The following GNAL variants were observed in gnomAD, a reference collection of about 807,000 sequenced individuals.
GNAL encodes the protein G protein subunit alpha L.
GNAL carries 18 observed loss-of-function variants against 55.1 expected under a neutral mutation model. The ratio of observed to expected loss-of-function variants is 0.33; its 90% CI spans 0.23 to 0.48. The LOEUF is 0.48. Ranked by LOEUF, GNAL falls within the 20% of genes least tolerant of loss-of-function variation. The pLI, the probability that GNAL is intolerant of heterozygous loss-of-function variation, is 0.99. For missense variants in GNAL, 412 were observed against 614.1 expected, an observed-to-expected ratio of 0.67 and a Z score of 3.48; for synonymous variants, 253 against 237.0, an observed-to-expected ratio of 1.07 and a Z score of -0.62.
At chr18:11,859,340 C>CTACCT (rs2036077904) in intron 5 of GNAL, among the ~76,000 whole-genome samples, 1 of 152,206 alleles carries the variant, frequency 6.6e-6, no homozygotes. Context: ...GAAACTTCTC[C>CTACCT]TACCTTCTCA....
chr18:11,869,169 A>C (rs972724733), intron 9 of GNAL, among the ~76,000 whole-genome samples: 2 of 151,656 alleles, frequency 1.3e-5, no homozygotes, highest in Non-Finnish European at 2.9e-5. Flanking sequence ...TTTGAGATAG[A>C]GTCTCGCTGT....
intron 1 of GNAL, among the ~76,000 whole-genome samples, chr18:11,708,565 G>A (rs1349224413): frequency 6.6e-6 from 1 of 152,200 alleles, no homozygotes; most frequent in African/African-American, 2.4e-5. Context: ...CACAAAGTGA[G>A]CACATGCTGT....
intron 1 of GNAL, among the ~76,000 whole-genome samples, chr18:11,722,793 C>T (rs554714671): frequency 6.6e-6 from 1 of 152,230 alleles, no homozygotes; most frequent in East Asian, 1.9e-4. Flanking sequence ...AGGTGGATCA[C>T]CTGAGGTCAG....
chr18:11,782,628 G>T (rs73946319), intron 4 of GNAL, among the ~76,000 whole-genome samples: 2,343 of 152,168 alleles, frequency 0.015, 58 homozygotes, highest in African/African-American at 0.053. Flanking sequence ...TATTGATCCT[G>T]TCTTATTAAG....
intron 1 of GNAL, among the ~76,000 whole-genome samples, chr18:11,729,285 G>C (rs572808916): frequency 6.6e-6 from 1 of 152,176 alleles, no homozygotes; most frequent in Non-Finnish European, 1.5e-5. Context: ...TGGTCTTAGC[G>C]CTCCTCTTGC....
chr18:11,792,196 C>A (rs907438583), intron 4 of GNAL, among the ~76,000 whole-genome samples: 14 of 151,946 alleles, frequency 9.2e-5, no homozygotes, highest in African/African-American at 3.4e-4. Context: ...TCCTTCCCTC[C>A]CTTCCTTCCT....
At chr18:11,860,564 G>A (rs1473286481) in intron 5 of GNAL, among the ~76,000 whole-genome samples, 1 of 152,124 alleles carries the variant, frequency 6.6e-6, no homozygotes, top group Non-Finnish European at 1.5e-5. Context: ...ATGCACACGG[G>A]AACTTTCATA....
chr18:11,768,549 T>C (rs1246615643), intron 4 of GNAL, among the ~76,000 whole-genome samples: 2 of 148,222 alleles, frequency 1.3e-5, no homozygotes, highest in African/African-American at 5.0e-5. Context: ...TGCGGTGAGC[T>C]GAGATCACGC....
At position 11,768,212 on chromosome 18, in the gene GNAL, C is replaced by T. The variant is rs1016134547; in HGVS notation, c.624+14267C>T. Reference sequence around the variant, plus strand: ...CATAAAGCCACGTATTTATCAACACCGTACTCAGGACCATGAGTTACACAA... The same window carrying T: ...CATAAAGCCACGTATTTATCAACACTGTACTCAGGACCATGAGTTACACAA... On this transcript the variant is annotated intron_variant, in intron 4 of 11. Coordinates refer to ENST00000334049, the MANE Select transcript of GNAL (RefSeq NM_182978.4). Among the ~76,000 whole-genome samples, 6 of 152,186 alleles carry T rather than the reference C, an allele frequency of 3.9e-5. No individual in the cohort carries two copies. The East Asian group carries it at 7.7e-4, about 20-fold the overall frequency.
At chr18:11,793,693 A>G (rs1426693746) in intron 4 of GNAL, among the ~76,000 whole-genome samples, 1 of 152,086 alleles carries the variant, frequency 6.6e-6, no homozygotes, top group Admixed American at 6.5e-5. Flanking sequence ...TGGGAGGCTG[A>G]GTCAGGCAGA....
At chr18:11,844,466 C>A (rs2035687958) in intron 5 of GNAL, among the ~76,000 whole-genome samples, 1 of 152,156 alleles carries the variant, frequency 6.6e-6, no homozygotes, top group Admixed American at 6.6e-5. Context: ...TCTCAGGATA[C>A]ATGGTTCCTG....
chr18:11,833,538 T>C (rs932163813), intron 5 of GNAL: 7 of 152,160 alleles, frequency 4.6e-5, no homozygotes, highest in African/African-American at 1.7e-4. Flanking sequence ...AGAAGAAAAT[T>C]TTTAGTGGGA....
At chr18:11,866,766 G>A (rs2036272243) in intron 7 of GNAL, among the ~76,000 whole-genome samples, 1 of 150,262 alleles carries the variant, frequency 6.7e-6, no homozygotes, top group African/African-American at 2.5e-5. Flanking sequence ...CTGAGAGCTG[G>A]AACAAATCAC....
intron 1 of GNAL, among the ~76,000 whole-genome samples, chr18:11,711,556 G>T (rs2031840254): frequency 6.6e-6 from 1 of 152,094 alleles, no homozygotes; most frequent in Admixed American, 6.5e-5. Flanking sequence ...TTTGTGTTTT[G>T]TTCTCTGTTT....
chr18:11,882,822 C>CTCTT lies in GNAL; in HGVS notation c.*1691_*1694dup, dbSNP rs1462318232. 4 of 152,138 alleles carry CTCTT rather than the reference C, an allele frequency of 2.6e-5. No individual in the cohort carries two copies. The highest frequency in any genetic ancestry group is 7.2e-5 in the African/African-American group (3 of 41,420). The allele number at this position is 152,138 out of a possible 1,614,324, so 9.4% of individuals were successfully genotyped here. On this transcript the variant is annotated 3_prime_UTR_variant, in exon 12 of 12. Coordinates refer to ENST00000334049, the MANE Select transcript of GNAL (RefSeq NM_182978.4). Reference sequence around the variant, plus strand: ...TGAAGTATAAAGTCAAAAGATACGGCTCTTTCTCACACTTGCAAGACTTAC... The same window carrying CTCTT: ...TGAAGTATAAAGTCAAAAGATACGGCTCTTTCTTTCTCACACTTGCAAGACTTAC...
At chr18:11,723,670 G>C (rs2032147784) in intron 1 of GNAL, among the ~76,000 whole-genome samples, 1 of 152,208 alleles carries the variant, frequency 6.6e-6, no homozygotes, top group South Asian at 2.1e-4. Flanking sequence ...TAATACCCCA[G>C]AAAGGGAGGT....
intron 7 of GNAL, among the ~76,000 whole-genome samples, chr18:11,866,364 G>C (rs1021747998): frequency 6.6e-6 from 1 of 150,376 alleles, no homozygotes; most frequent in South Asian, 2.1e-4. Flanking sequence ...TGGTCCTAAG[G>C]CACATGCATT....
rs139282267 is a variant in GNAL at position 11,877,448 on chromosome 18, C to T, written c.1230+760C>T. On this transcript the variant is annotated intron_variant, in intron 11 of 11. Transcript: ENST00000334049. ...CCAGCCTGGCCGACAGAGCGAGACT[C>T]TGTCTCAAACAAAACAAACAAAACT... 2.0e-3 allele frequency among the ~76,000 whole-genome samples: 311 copies of T among 151,954 alleles called. 3 individuals are homozygous for T. The highest frequency in any genetic ancestry group is 6.9e-3 in the African/African-American group (287 of 41,448).
At chr18:11,844,377 T>G (rs546543886) in intron 5 of GNAL, among the ~76,000 whole-genome samples, 4 of 151,818 alleles carry the variant, frequency 2.6e-5, no homozygotes, top group Admixed American at 2.6e-4. Context: ...GAGGTTGCAG[T>G]GAGCCGAGAT....
Sources: gnomAD v4.1 joint callset for allele counts (sites outside exome capture counted in the v4.1 genomes callset) on GRCh38, gnomAD v4.1.1 for gene constraint, MANE v1.5 for transcripts, NCBI Gene and HGNC (gene_info 2026-07-23, HGNC 2026-07-21) for gene names.